CNTN3: variants seen among roughly 807,000 people sequenced by gnomAD.
CNTN3 encodes the protein contactin 3.
CNTN3 carries 60 observed loss-of-function variants against 119.1 expected under a neutral mutation model. The ratio of observed to expected loss-of-function variants is 0.50; its 90% confidence interval spans 0.41 to 0.62. The LOEUF is 0.62. CNTN3 is among the 20% of genes least tolerant of loss of function. The probability of loss-of-function intolerance (pLI) is 0.00; values close to 1 mark genes in which losing one functional copy is unlikely to be tolerated. For missense variants in CNTN3, 1,101 were observed against 1,242.4 expected (o/e 0.89, Z 1.71); for synonymous variants, 450 against 438.7 (o/e 1.03, Z -0.32).
intron 4 of CNTN3, among the ~76,000 whole-genome samples, chr3:74,426,395 T>A (rs1253199394): frequency 6.6e-6 from 1 of 152,146 alleles, no homozygotes; most frequent in Non-Finnish European, 1.5e-5. Flanking sequence ...AGAATACAAC[T>A]TGGATATTTT....
At chr3:74,269,648 G>C (rs562317087) in intron 20 of CNTN3, among the ~76,000 whole-genome samples, 16 of 152,122 alleles carry the variant, frequency 1.1e-4, no homozygotes, top group Admixed American at 2.0e-4. Context: ...GAACAAAATG[G>C]GGCATTTACC....
At chr3:74,485,039 A>G (rs1167673785) in intron 4 of CNTN3, among the ~76,000 whole-genome samples, 1 of 152,204 alleles carries the variant, frequency 6.6e-6, no homozygotes, top group Non-Finnish European at 1.5e-5. Flanking sequence ...AAACATGGAT[A>G]CATCATAGAT....
chr3:74,352,783 T>C (rs1045474799), intron 11 of CNTN3, among the ~76,000 whole-genome samples: 2 of 152,152 alleles, frequency 1.3e-5, no homozygotes, highest in Admixed American at 6.5e-5. Context: ...CTCCCTGTGC[T>C]TCAAGGTTCA....
At chr3:74,594,695 A>G (rs1458846480) in intron 1 of CNTN3, among the ~76,000 whole-genome samples, 6 of 152,002 alleles carry the variant, frequency 3.9e-5, no homozygotes, top group African/African-American at 1.5e-4. Flanking sequence ...CCAGTCTATC[A>G]TTGTTGGACA....
At chr3:74,580,477 C>T (rs182728262) in intron 1 of CNTN3, among the ~76,000 whole-genome samples, 1 of 151,964 alleles carries the variant, frequency 6.6e-6, no homozygotes, top group Non-Finnish European at 1.5e-5. Flanking sequence ...TTTTTAAGTC[C>T]CTTGAAGTCC....
intron 20 of CNTN3, among the ~76,000 whole-genome samples, chr3:74,268,614 G>A (rs1377884000): frequency 1.3e-5 from 2 of 152,122 alleles, no homozygotes; most frequent in Non-Finnish European, 2.9e-5. Flanking sequence ...TGTGATGTGA[G>A]TATTCACAAT....
chr3:74,483,976 C>CGAAA (rs1702807505), intron 4 of CNTN3, among the ~76,000 whole-genome samples: 1 of 152,070 alleles, frequency 6.6e-6, no homozygotes, highest in Non-Finnish European at 1.5e-5. Flanking sequence ...TCATACTTTT[C>CGAAA]AGGAGGGGCT....
At chr3:74,335,057 C>A in intron 12 of CNTN3, 147 bp from the exon 13 acceptor site, 1 of 494,364 alleles carries the variant, frequency 2.0e-6, no homozygotes. Flanking sequence ...TAAAAGTATT[C>A]AACATTAAAA....
intron 20 of CNTN3, 41 bp from the exon 21 acceptor site, chr3:74,267,419 A>G: frequency 7.2e-7 from 1 of 1,386,850 alleles, no homozygotes; most frequent in Non-Finnish European, 1.0e-6. Context: ...AGATCGAAGT[A>G]CAAGTGATAT....
intron 1 of CNTN3, among the ~76,000 whole-genome samples, chr3:74,597,767 T>G (rs1281663864): frequency 6.6e-6 from 1 of 152,084 alleles, no homozygotes; most frequent in East Asian, 1.9e-4. Context: ...TTTCTGTTTA[T>G]TGTTCTTAAT....
chr3:74,449,750 T>C (rs1702113549), intron 4 of CNTN3, among the ~76,000 whole-genome samples: 1 of 152,146 alleles, frequency 6.6e-6, no homozygotes, highest in Admixed American at 6.6e-5. Context: ...CAAAAGCCAC[T>C]TGGCATTAAT....
chr3:74,598,847 T>G (rs1559674235), intron 1 of CNTN3, among the ~76,000 whole-genome samples: 1 of 151,994 alleles, frequency 6.6e-6, no homozygotes, highest in Non-Finnish European at 1.5e-5. Context: ...GTGACCAGCA[T>G]TCAGAGAAAT....
intron 13 of CNTN3, among the ~76,000 whole-genome samples, chr3:74,329,698 C>T (rs559109019): frequency 6.6e-6 from 1 of 152,276 alleles, no homozygotes; most frequent in East Asian, 1.9e-4. Context: ...TATTACCTCC[C>T]TTTTCCTATC....
chr3:74,594,836 G>T (rs1401673873), intron 1 of CNTN3, among the ~76,000 whole-genome samples: 2 of 151,680 alleles, frequency 1.3e-5, no homozygotes, highest in African/African-American at 4.9e-5. Flanking sequence ...TGGGTCAAAT[G>T]GTATTTCTAG....
chr3:74,469,175 CTG>C (rs1209956527), intron 4 of CNTN3, among the ~76,000 whole-genome samples: 5 of 152,002 alleles, frequency 3.3e-5, no homozygotes, highest in Admixed American at 6.6e-5. Context: ...AATAAAGAAA[CTG>C]AGGCCCAGAG....
intron 3 of CNTN3, among the ~76,000 whole-genome samples, chr3:74,496,503 C>T (rs1237996569): frequency 1.3e-5 from 2 of 151,988 alleles, no homozygotes; most frequent in Non-Finnish European, 2.9e-5. Flanking sequence ...TTGTTATTTG[C>T]CTGGTCCCTG....
At chr3:74,370,510 G>C (rs967283692) in intron 6 of CNTN3, among the ~76,000 whole-genome samples, 7 of 152,190 alleles carry the variant, frequency 4.6e-5, no homozygotes, top group Non-Finnish European at 7.4e-5. Context: ...TAGTAGCAGA[G>C]ATACCAATCT....
chr3:74,305,603 G>T (rs1702547284), intron 13 of CNTN3, among the ~76,000 whole-genome samples: 1 of 151,930 alleles, frequency 6.6e-6, no homozygotes, highest in African/African-American at 2.4e-5. Context: ...AGATCAACAT[G>T]GTTGAGTTTC....
intron 1 of CNTN3, among the ~76,000 whole-genome samples, chr3:74,602,088 T>A (rs372599951): frequency 4.6e-5 from 7 of 151,438 alleles, no homozygotes; most frequent in African/African-American, 1.7e-4. Context: ...GACAGGAGGA[T>A]CATTTCAGCC....
Sources: gnomAD v4.1 joint callset for allele counts (sites outside exome capture counted in the v4.1 genomes callset) on GRCh38, gnomAD v4.1.1 for gene constraint, MANE v1.5 for transcripts, NCBI Gene and HGNC (gene_info 2026-07-23, HGNC 2026-07-21) for gene names.